Variants in PDXDC1 observed in about 807,000 individuals in gnomAD.
PDXDC1 encodes the protein pyridoxal-dependent decarboxylase domain-containing protein 1.
PDXDC1 carries 42 observed loss-of-function variants against 100.1 expected under a neutral mutation model. The observed-to-expected ratio is 0.42, with a 90% CI of 0.33 to 0.54. PDXDC1 has a LOEUF of 0.54. Ranked by LOEUF, PDXDC1 falls within the 20% of genes least tolerant of loss-of-function variation. PDXDC1 has a pLI of 0.10. For missense variants in PDXDC1, 636 were observed against 979.2 expected, an observed-to-expected ratio of 0.65 and a Z score of 4.68; for synonymous variants, 260 against 371.7, an observed-to-expected ratio of 0.70 and a Z score of 3.46.
At chr16:15,047,495 G>T in intron 16 of PDXDC1, 2 of 1,614,058 alleles carry the variant, frequency 1.2e-6, no homozygotes, top group Non-Finnish European at 1.7e-6. Flanking sequence ...TGATCAAGGG[G>T]ACCTCAGCTT....
At chr16:15,067,597 G>C (rs1421153803) in intron 16 of PDXDC1, among the ~76,000 whole-genome samples, 2 of 150,136 alleles carry the variant, frequency 1.3e-5, no homozygotes, top group African/African-American at 4.9e-5. Flanking sequence ...ACTATTACAG[G>C]AGTCACTCTA....
chr16:14,988,250 T>C (rs1969876970), intron 1 of PDXDC1: 7 of 1,613,524 alleles, frequency 4.3e-6, no homozygotes, highest in Non-Finnish European at 5.9e-6. Flanking sequence ...AGCAGGACTG[T>C]TAGTTCACTC....
intron 1 of PDXDC1, among the ~76,000 whole-genome samples, chr16:14,996,936 A>G (rs1280721811): frequency 1.3e-5 from 2 of 152,292 alleles, no homozygotes; most frequent in African/African-American, 4.8e-5. Flanking sequence ...CTTTGTTATC[A>G]TAAGTGATCT....
At chr16:15,110,994 C>G (rs977387297) in intron 16 of PDXDC1, among the ~76,000 whole-genome samples, 3 of 147,824 alleles carry the variant, frequency 2.0e-5, no homozygotes, top group African/African-American at 7.4e-5. Flanking sequence ...CCGGGCATGG[C>G]AGTGGGCGCC....
At chr16:15,029,514 A>G in intron 15 of PDXDC1, 1 of 340,022 alleles carries the variant, frequency 2.9e-6, no homozygotes, top group Non-Finnish European at 5.2e-6. Context: ...GCTGTGAGAG[A>G]CCACAGAGCT....
intron 16 of PDXDC1, chr16:15,076,502 C>T (rs144083489): frequency 5.1e-5 from 58 of 1,146,304 alleles, no homozygotes; most frequent in Non-Finnish European, 6.6e-5. Flanking sequence ...GCAGCACTAG[C>T]TGTTTCCACC....
chr16:15,082,339 C>A (rs2151805121), intron 16 of PDXDC1, among the ~76,000 whole-genome samples: 1 of 152,084 alleles, frequency 6.6e-6, no homozygotes, highest in African/African-American at 2.4e-5. Flanking sequence ...GTCCTTTGTT[C>A]TATTGCTACA....
At chr16:15,125,367 A>G in intron 16 of PDXDC1, 1 of 719,312 alleles carries the variant, frequency 1.4e-6, no homozygotes. Context: ...GGGATGTGTC[A>G]CACACACAGC....
In PDXDC1 at chr16:15,111,857, T is replaced by C. The variant is rs1333735116; in HGVS notation, c.1400-27022T>C. 2.7e-5 allele frequency among the ~76,000 whole-genome samples: 4 copies of C among 149,886 alleles called. No individual in the cohort carries two copies. The Admixed American group carries it at 2.7e-4, about 10-fold the overall frequency. On this transcript the variant is annotated intron_variant, in intron 16 of 16. Transcript: ENST00000535621. ...GGTAATTATCATCTTGTAAGTATTT[T>C]ACCACAGGTTAACATGTTTCACAAC... is the stretch of plus-strand genomic sequence containing the variant.
chr16:15,135,666 A>G (rs1241960693), intron 16 of PDXDC1: 8 of 1,594,934 alleles, frequency 5.0e-6, no homozygotes, highest in Non-Finnish European at 6.8e-6. Context: ...GAAGCCACAC[A>G]GGCCCACTGG....
downstream of PDXDC1, chr16:15,039,856 C>G: frequency 1.5e-6 from 1 of 676,902 alleles, no homozygotes; most frequent in South Asian, 1.7e-5. Flanking sequence ...TGATAATGTA[C>G]GGCTATAAAG....
At chr16:15,049,544 T>C (rs1052642677) in intron 16 of PDXDC1, among the ~76,000 whole-genome samples, 1 of 152,102 alleles carries the variant, frequency 6.6e-6, no homozygotes, top group Non-Finnish European at 1.5e-5. Context: ...TTCTCGTGCC[T>C]CAGCCTCCCC....
At chr16:14,990,672 ATCAGTGCTGCTTT>A (rs1252392936) in intron 1 of PDXDC1, among the ~76,000 whole-genome samples, 1 of 152,284 alleles carries the variant, frequency 6.6e-6, no homozygotes, top group Admixed American at 6.5e-5. Context: ...AAACTTAACT[ATCAGTGCTGCTTT>A]TCCTACCCAC....
intron 16 of PDXDC1, among the ~76,000 whole-genome samples, chr16:15,091,739 A>T (rs2046137554): frequency 6.6e-6 from 1 of 152,220 alleles, no homozygotes; most frequent in Non-Finnish European, 1.5e-5. Context: ...AATGGATATT[A>T]CATATAAACA....
chr16:15,099,419 CAAAAA>C (rs768689960), intron 16 of PDXDC1, among the ~76,000 whole-genome samples: 2 of 40,956 alleles, frequency 4.9e-5, no homozygotes, highest in Admixed American at 2.5e-4. Context: ...GACTTGGTCT[CAAAAA>C]AAAAAAAAAA....
At chr16:15,022,369 C>G (rs2042271205) in intron 12 of PDXDC1, among the ~76,000 whole-genome samples, 1 of 152,134 alleles carries the variant, frequency 6.6e-6, no homozygotes, top group South Asian at 2.1e-4. Flanking sequence ...GCTGCATCCT[C>G]TCATTTGTCG....
At chr16:15,069,144 G>A (rs906556485) in intron 16 of PDXDC1, among the ~76,000 whole-genome samples, 1 of 152,138 alleles carries the variant, frequency 6.6e-6, no homozygotes, top group Admixed American at 6.6e-5. Context: ...TTAGAGCTGT[G>A]GCTGTTAACC....
chr16:15,044,460 G>A lies in PDXDC1; in HGVS notation c.1399+14404G>A, dbSNP rs574412801. 103 of 1,147,094 alleles carry A rather than the reference G, an allele frequency of 9.0e-5. 1 individual carries two copies. Among genetic ancestry groups the A allele is most frequent in the Middle Eastern group, 4.0e-4 (2 of 4,966 alleles). 71.1% of individuals were successfully genotyped at this position (1,147,094 alleles called of 1,614,324 possible). ...GCCAGAAGAAGACACCGGTGCGTGCGCTGGTCTCACTTTGAACTTTCATTC... is the reference window on the plus strand; with the variant it reads ...GCCAGAAGAAGACACCGGTGCGTGCACTGGTCTCACTTTGAACTTTCATTC... On this transcript the variant is annotated intron_variant, in intron 16 of 16. Coordinates refer to the PDXDC1 transcript ENST00000535621.
At chr16:15,030,697 C>T (rs1276432165) in intron 16 of PDXDC1, among the ~76,000 whole-genome samples, 3 of 151,636 alleles carry the variant, frequency 2.0e-5, no homozygotes, top group East Asian at 3.9e-4. Context: ...GATCTTCCCA[C>T]CTCAGCCCCC....
Sources: allele counts gnomAD v4.1 joint callset (sites outside exome capture counted in the v4.1 genomes callset), GRCh38; gene constraint gnomAD v4.1.1; transcripts MANE v1.5; gene names NCBI Gene and HGNC (gene_info 2026-07-23, HGNC 2026-07-21).